The following CDH1 variants were observed in gnomAD, a reference collection of about 807,000 sequenced individuals.
CDH1 encodes the protein cadherin 1.
Under a neutral mutation model 84.5 loss-of-function variants are expected in CDH1, and 35 were observed. That is an observed-to-expected ratio of 0.41 (90% CI 0.32 to 0.55). CDH1 has a LOEUF of 0.55. Ranked by LOEUF, CDH1 falls within the 20% of genes least tolerant of loss-of-function variation. The pLI is 0.19. For synonymous variants in CDH1, 417 were observed against 439.0 expected, an observed-to-expected ratio of 0.95 and a Z score of 0.63; for missense variants, 994 against 1,126.6, an observed-to-expected ratio of 0.88 and a Z score of 1.68.
Position 68,822,113 on chromosome 16 carries a change from G to A in CDH1, c.1824G>A (p.Lys608=), listed in dbSNP as rs373987896. ...RTIFFCERNP[K]PQVINIIDAD... is the part of the protein sequence containing the mutation. Reference sequence around the variant, plus strand: ...TATTCTTCTGTGAGAGGAATCCAAAGCCTCAGGTCATAAACATCATTGATG... The same window carrying A: ...TATTCTTCTGTGAGAGGAATCCAAAACCTCAGGTCATAAACATCATTGATG... Residue 608 remains lysine, a synonymous_variant, in exon 12 of 16, where the codon AAG becomes AAA. Coordinates refer to ENST00000261769, the MANE Select transcript of CDH1 (RefSeq NM_004360.5). The A allele has an allele frequency of 1.9e-6, 3 of 1,613,950 alleles. No homozygotes were observed. In the African/African-American group the frequency reaches 4.0e-5, roughly 22 times the overall value.
At chr16:68,775,521 T>C (rs1959707864) in intron 2 of CDH1, among the ~76,000 whole-genome samples, 1 of 152,232 alleles carries the variant, frequency 6.6e-6, no homozygotes, top group African/African-American at 2.4e-5. Flanking sequence ...GGCCCCCTTT[T>C]TGTTCTCCCA....
chr16:68,771,925 G>A lies in CDH1; in HGVS notation c.164-29745G>A, dbSNP rs144153395. ...GTCTGACAGTGCTAAAGGGCTTTACGTGGATTAACTTGTTGAATCATCCCA... is the reference window on the plus strand; with the variant it reads ...GTCTGACAGTGCTAAAGGGCTTTACATGGATTAACTTGTTGAATCATCCCA... On this transcript the variant is annotated intron_variant, in intron 2 of 15. Transcript: ENST00000261769. Among the ~76,000 whole-genome samples, 445 of 152,204 alleles carry A rather than the reference G, an allele frequency of 2.9e-3. 1 individual carries two copies. Among genetic ancestry groups the A allele is most frequent in the Middle Eastern group, 0.01 (3 of 294 alleles).
intron 3 of CDH1, among the ~76,000 whole-genome samples, chr16:68,807,663 TG>T (rs1370907367): frequency 6.6e-6 from 1 of 152,066 alleles, no homozygotes; most frequent in Non-Finnish European, 1.5e-5. Flanking sequence ...CACTCCAGCC[TG>T]GGTGACAGAG....
At chr16:68,785,278 G>A (rs1335176284) in intron 2 of CDH1, among the ~76,000 whole-genome samples, 1 of 151,930 alleles carries the variant, frequency 6.6e-6, no homozygotes, top group Non-Finnish European at 1.5e-5. Context: ...TGCAACCTCT[G>A]CCTCCCAGAA....
chr16:68,753,719 A>G (rs1962945594), intron 2 of CDH1, among the ~76,000 whole-genome samples: 1 of 152,230 alleles, frequency 6.6e-6, no homozygotes, highest in Admixed American at 6.5e-5. Context: ...TAGATTTAGC[A>G]AATAACAATA....
chr16:68,828,159 C>A lies in CDH1; in HGVS notation c.2165-15C>A, dbSNP rs552874184. 38 of 1,613,468 alleles carry A rather than the reference C, an allele frequency of 2.4e-5. 1 individual carries two copies. In the East Asian group the frequency reaches 6.9e-4, roughly 29 times the overall value. ...TTGGCTCTCAACACTTGCTCTGTCT[C>A]CCCCACCATCCCAGTTCTGATTCTG... On this transcript the variant is annotated splice_polypyrimidine_tract_variant and intron_variant, in intron 13 of 15. Transcript: ENST00000261769.
intron 2 of CDH1, among the ~76,000 whole-genome samples, chr16:68,745,551 T>A (rs8047348): frequency 0.016 from 332 of 20,188 alleles, 4 homozygotes; most frequent in East Asian, 0.13. Flanking sequence ...AAAAAAAAAA[T>A]ATATATATAT....
chr16:68,818,973 ACCCT>A (rs1961062885), intron 10 of CDH1, among the ~76,000 whole-genome samples: 1 of 151,360 alleles, frequency 6.6e-6, no homozygotes, highest in Non-Finnish European at 1.5e-5. Flanking sequence ...CTCCTGCCTC[ACCCT>A]CCCCAGTAGC....
intron 3 of CDH1, among the ~76,000 whole-genome samples, chr16:68,803,375 G>A (rs1392068530): frequency 1.3e-5 from 2 of 152,120 alleles, no homozygotes; most frequent in African/African-American, 4.8e-5. Flanking sequence ...GCAGCTGTGT[G>A]TGGAAGCCTC....
At chr16:68,826,213 G>T (rs574190908) in intron 13 of CDH1, among the ~76,000 whole-genome samples, 1 of 152,212 alleles carries the variant, frequency 6.6e-6, no homozygotes, top group South Asian at 2.1e-4. Flanking sequence ...TTTAGACACT[G>T]GGGGTGGGGA....
chr16:68,752,456 C>T (rs1413161034), intron 2 of CDH1, among the ~76,000 whole-genome samples: 1 of 152,152 alleles, frequency 6.6e-6, no homozygotes, highest in African/African-American at 2.4e-5. Context: ...GGCTGAATTG[C>T]AGTTAGAATA....
intron 2 of CDH1, among the ~76,000 whole-genome samples, chr16:68,760,005 C>T (rs1374599563): frequency 1.3e-5 from 2 of 151,934 alleles, no homozygotes; most frequent in African/African-American, 2.4e-5. Context: ...CCTTTTCCAC[C>T]GTGCCCGGCT....
chr16:68,768,924 C>A lies in CDH1; in HGVS notation c.163+30513C>A, dbSNP rs1478858327. 2.6e-5 allele frequency among the ~76,000 whole-genome samples: 4 copies of A among 152,218 alleles called. 1 individual carries two copies. Among genetic ancestry groups the A allele is most frequent in the African/African-American group, 9.6e-5 (4 of 41,470 alleles). On this transcript the variant is annotated intron_variant, in intron 2 of 15. Coordinates refer to ENST00000261769, the MANE Select transcript of CDH1 (RefSeq NM_004360.5). ...CCCTGTGCCCAGAGCACCCTTCCCC[C>A]AGGCATCCTCATGCCACTCTTGCTT...
intron 2 of CDH1, among the ~76,000 whole-genome samples, chr16:68,741,463 C>T (rs903451122): frequency 1.3e-5 from 2 of 152,148 alleles, no homozygotes; most frequent in Non-Finnish European, 2.9e-5. Context: ...GAATTTACTC[C>T]ATGGGAATTT....
chr16:68,776,579 G>A (rs1456179121), intron 2 of CDH1, among the ~76,000 whole-genome samples: 2 of 152,084 alleles, frequency 1.3e-5, no homozygotes, highest in East Asian at 3.9e-4. Flanking sequence ...ATATTGCCCA[G>A]GCTAGTCTCG....
At chr16:68,801,647 T>C in intron 2 of CDH1, 23 bp from the exon 3 acceptor site, 1 of 1,588,470 alleles carries the variant, frequency 6.3e-7, no homozygotes, top group Non-Finnish European at 8.6e-7. Context: ...AATTTCCTAA[T>C]CTCTGTGATT....
At chr16:68,773,984 A>G (rs899955778) in intron 2 of CDH1, among the ~76,000 whole-genome samples, 1 of 152,244 alleles carries the variant, frequency 6.6e-6, no homozygotes, top group Non-Finnish European at 1.5e-5. Context: ...TGGTGCAGTC[A>G]TAGCTCACTG....
intron 3 of CDH1, 28 bp downstream of exon 3, chr16:68,801,921 G>T (rs780256806): frequency 1.9e-6 from 3 of 1,579,686 alleles, no homozygotes; most frequent in Admixed American, 3.3e-5. Flanking sequence ...TGAGAAGTTC[G>T]CTGTTGTTTT....
At chr16:68,785,971 C>T (rs1960034726) in intron 2 of CDH1, among the ~76,000 whole-genome samples, 1 of 152,128 alleles carries the variant, frequency 6.6e-6, no homozygotes, top group Non-Finnish European at 1.5e-5. Context: ...TCTGCAAGAG[C>T]AGCAACCAGG....
Sources: gnomAD v4.1 joint callset for allele counts (sites outside exome capture counted in the v4.1 genomes callset) on GRCh38, gnomAD v4.1.1 for gene constraint, MANE v1.5 for transcripts, NCBI Gene and HGNC (gene_info 2026-07-23, HGNC 2026-07-21) for gene names.